Variants in ADAM29 observed in about 807,000 individuals in gnomAD.
ADAM29 encodes disintegrin and metalloproteinase domain-containing protein 29.
For synonymous variants in ADAM29, 367 were observed against 342.3 expected (o/e 1.07, Z -0.80); for missense variants, 969 against 1,001.8 (o/e 0.97, Z 0.44).
chr4:174,969,641 C>T (rs1208016133), intron 4 of ADAM29, among the ~76,000 whole-genome samples: 1 of 151,888 alleles, frequency 6.6e-6, no homozygotes, highest in Non-Finnish European at 1.5e-5. Flanking sequence ...GCTATACCAA[C>T]ATAATTTTTT....
At chr4:174,923,743 C>T (rs1743324416) in intron 2 of ADAM29, 1 of 151,670 alleles carries the variant, frequency 6.6e-6, no homozygotes, top group Non-Finnish European at 1.5e-5. Context: ...AAAGAAGAAC[C>T]ATTTCTTGTG....
At chr4:174,928,418 G>A (rs530642416) in intron 2 of ADAM29, among the ~76,000 whole-genome samples, 1 of 151,910 alleles carries the variant, frequency 6.6e-6, no homozygotes, top group Admixed American at 6.6e-5. Context: ...TTACTGGAGG[G>A]GTCAGTGAAG....
intron 4 of ADAM29, among the ~76,000 whole-genome samples, chr4:174,968,771 C>CCACACACACACA (rs36211576): frequency 2.0e-5 from 3 of 148,686 alleles, no homozygotes; most frequent in Non-Finnish European, 4.5e-5. Flanking sequence ...CACTTTCCGC[C>CCACACACACACA]CACACACACA....
At chr4:174,926,345 A>C (rs1466445839) in intron 2 of ADAM29, among the ~76,000 whole-genome samples, 1 of 152,124 alleles carries the variant, frequency 6.6e-6, no homozygotes, top group Non-Finnish European at 1.5e-5. Context: ...AACTTCTCCT[A>C]GTTGTCAATA....
chr4:174,936,993 A>G lies in ADAM29; in HGVS notation c.-201A>G, dbSNP rs1744241100. 6.6e-6 allele frequency: 1 copy of G among 152,064 alleles called. No homozygotes were observed. The highest frequency in any genetic ancestry group is 1.5e-5 in the Non-Finnish European group (1 of 67,896). The allele number at this position is 152,064 out of a possible 1,614,324, so 9.4% of individuals were successfully genotyped here. On this transcript the variant is annotated 5_prime_UTR_variant, in exon 4 of 5. Transcript: ENST00000359240. ...CAATGCCAGATTCTCTTCTCTAAAA[A>G]TAATCAATTTGTTACTACAGGTAAA...
intron 2 of ADAM29, among the ~76,000 whole-genome samples, chr4:174,923,574 T>C (rs989649300): frequency 2.2e-5 from 3 of 136,010 alleles, no homozygotes; most frequent in Non-Finnish European, 3.2e-5. Flanking sequence ...CACACACATA[T>C]ATATCTTTAA....
chr4:174,948,876 C>T (rs1046102307), intron 4 of ADAM29, among the ~76,000 whole-genome samples: 6 of 152,002 alleles, frequency 3.9e-5, no homozygotes, highest in Non-Finnish European at 7.4e-5. Flanking sequence ...GAGTTCACAT[C>T]GGCGGTGGCA....
At chr4:174,932,576 A>C (rs1393099079) in intron 3 of ADAM29, among the ~76,000 whole-genome samples, 2 of 152,166 alleles carry the variant, frequency 1.3e-5, no homozygotes, top group Non-Finnish European at 2.9e-5. Context: ...ACACCTCTTA[A>C]TATTATCACA....
At chr4:174,947,925 G>C (rs1744945418) in intron 4 of ADAM29, among the ~76,000 whole-genome samples, 2 of 152,168 alleles carry the variant, frequency 1.3e-5, no homozygotes, top group South Asian at 4.1e-4. Context: ...ACTAGTCTTT[G>C]AACTCTGGGA....
chr4:174,958,776 G>A (rs1745648483), intron 4 of ADAM29, among the ~76,000 whole-genome samples: 1 of 151,606 alleles, frequency 6.6e-6, no homozygotes, highest in Admixed American at 6.6e-5. Context: ...TGGCACAGTA[G>A]TTACACTTCA....
intron 4 of ADAM29, among the ~76,000 whole-genome samples, chr4:174,944,016 G>C (rs1744696018): frequency 6.6e-6 from 1 of 151,752 alleles, no homozygotes; most frequent in South Asian, 2.1e-4. Flanking sequence ...CTGAAACACT[G>C]TTATATAGTA....
At chr4:174,937,696 A>G (rs1744281499) in intron 4 of ADAM29, among the ~76,000 whole-genome samples, 1 of 151,962 alleles carries the variant, frequency 6.6e-6, no homozygotes, top group Non-Finnish European at 1.5e-5. Flanking sequence ...AGCATTTCAA[A>G]TTTCAGAGTA....
Position 174,975,850 on chromosome 4 carries a change from GA to G in ADAM29, c.326del (p.Asp109AlafsTer21). ...CTACTATCATGGTTATGTGGAAGGG[GA>G]CCCAGAATCCCTGGTTTCCCTCAGT... ...NCYYHGYVEG[D>X]PESLVSLSTC... On this transcript the variant is annotated frameshift_variant, in exon 5 of 5. Coordinates refer to ENST00000359240, the MANE Select transcript of ADAM29 (RefSeq NM_014269.4). LOFTEE classifies it low-confidence loss of function (END_TRUNC). 1 of 1,614,044 alleles carries G rather than the reference GA, an allele frequency of 6.2e-7. No individual in the cohort carries two copies. The highest frequency in any genetic ancestry group is 8.5e-7 in the Non-Finnish European group (1 of 1,179,984).
In ADAM29 at chr4:174,978,152, A is replaced by C; in HGVS notation, c.*164A>C. 1 of 1,125,934 alleles carries C rather than the reference A, an allele frequency of 8.9e-7. No homozygotes were observed. The highest frequency in any genetic ancestry group is 1.3e-6 in the Non-Finnish European group (1 of 785,502). 69.7% of individuals were successfully genotyped at this position (1,125,934 alleles called of 1,614,324 possible). ...CCAATTCCAAAAACTGTATCCAGAA[A>C]AGGTACATTAAAAAAATAATTCCTA... is the stretch of plus-strand genomic sequence containing the variant. On this transcript the variant is annotated 3_prime_UTR_variant, in exon 5 of 5. Transcript: ENST00000359240.
At chr4:174,923,525 G>GTGTA (rs1447408794) in intron 2 of ADAM29, among the ~76,000 whole-genome samples, 4 of 96,682 alleles carry the variant, frequency 4.1e-5, no homozygotes, top group African/African-American at 7.5e-5. Flanking sequence ...TGCATTATAT[G>GTGTA]TATATATATA....
intron 4 of ADAM29, among the ~76,000 whole-genome samples, chr4:174,951,439 T>C (rs1196516524): frequency 1.9e-4 from 29 of 152,254 alleles, no homozygotes; most frequent in Admixed American, 1.9e-3. Context: ...AATTCCTATG[T>C]ATCTTTCAAA....
intron 4 of ADAM29, among the ~76,000 whole-genome samples, chr4:174,974,467 G>C (rs1234742511): frequency 6.6e-6 from 1 of 152,098 alleles, no homozygotes; most frequent in Non-Finnish European, 1.5e-5. Context: ...AGTTTTCAGA[G>C]TCTTTTTGTT....
chr4:174,950,205 T>A (rs1745090558), intron 4 of ADAM29, among the ~76,000 whole-genome samples: 1 of 152,226 alleles, frequency 6.6e-6, no homozygotes, highest in African/African-American at 2.4e-5. Context: ...GCCCATGATT[T>A]AAATATCATT....
intron 1 of ADAM29, among the ~76,000 whole-genome samples, chr4:174,920,289 T>C (rs979807837): frequency 6.6e-6 from 1 of 152,226 alleles, no homozygotes; most frequent in Non-Finnish European, 1.5e-5. Flanking sequence ...AATGGTTCCC[T>C]ATTTTGCCAG....
Sources: gnomAD v4.1 joint callset for allele counts (sites outside exome capture counted in the v4.1 genomes callset) on GRCh38, gnomAD v4.1.1 for gene constraint, MANE v1.5 for transcripts, NCBI Gene and HGNC (gene_info 2026-07-23, HGNC 2026-07-21) for gene names.